Variants in ASAP1 observed in about 807,000 individuals in gnomAD.
ASAP1 encodes arf-GAP with SH3 domain, ANK repeat and PH domain-containing protein 1.
In ASAP1, 43 loss-of-function variants were observed where a neutral mutation model predicts 145.2. The observed-to-expected ratio is 0.30, with a 90% CI of 0.23 to 0.38. The LOEUF is 0.38. Among genes scored for constraint, ASAP1 ranks in the 10% least tolerant of loss-of-function variants. ASAP1 has a pLI of 1.00. For missense variants in ASAP1, 1,018 were observed against 1,355.3 expected, an observed-to-expected ratio of 0.75 and a Z score of 3.91; for synonymous variants, 546 against 515.5, an observed-to-expected ratio of 1.06 and a Z score of -0.80.
intron 7 of ASAP1, among the ~76,000 whole-genome samples, chr8:130,183,547 G>A (rs1814513818): frequency 6.6e-6 from 1 of 151,952 alleles, no homozygotes; most frequent in Admixed American, 6.6e-5. Context: ...TTGCCACGTT[G>A]GTCAGGCTGG....
chr8:130,306,624 C>A (rs1413697763), intron 3 of ASAP1, among the ~76,000 whole-genome samples: 1 of 152,054 alleles, frequency 6.6e-6, no homozygotes, highest in Non-Finnish European at 1.5e-5. Flanking sequence ...AGGGCACAAG[C>A]GGAACAAACT....
At chr8:130,154,735 T>C (rs1013018128) in intron 12 of ASAP1, among the ~76,000 whole-genome samples, 2 of 152,240 alleles carry the variant, frequency 1.3e-5, no homozygotes, top group African/African-American at 4.8e-5. Context: ...TTCTAAAGCA[T>C]GCTTCACAGA....
At position 130,236,907 on chromosome 8, in the gene ASAP1, T is replaced by G. The variant is rs1565121553; in HGVS notation, c.259+15A>C. 1 of 1,518,718 alleles carries G rather than the reference T, an allele frequency of 6.6e-7. No individual in the cohort carries two copies. Among genetic ancestry groups the G allele is most frequent in the Non-Finnish European group, 9.0e-7 (1 of 1,114,696 alleles). 94.1% of individuals were successfully genotyped at this position (1,518,718 alleles called of 1,614,324 possible). ...ATTTATAATTCATGTTACCTCATTT[T>G]TAGTAAGTGCTTACCTTGACCAGAA... is the stretch of plus-strand genomic sequence containing the variant. On this transcript the variant is annotated intron_variant, in intron 4 of 29. Transcript: ENST00000518721.
intron 27 of ASAP1, among the ~76,000 whole-genome samples, chr8:130,072,825 G>GTGCGTGTGCGCGCGCGCGCACA: frequency 1.8e-5 from 1 of 54,098 alleles, no homozygotes; most frequent in African/African-American, 9.1e-5. Flanking sequence ...GTGTGTGTGT[G>GTGCGTGTGCGCGCGCGCGCACA]CGCGCGGGGG....
At chr8:130,180,006 A>G (rs886325939) in intron 8 of ASAP1, among the ~76,000 whole-genome samples, 3 of 145,668 alleles carry the variant, frequency 2.1e-5, no homozygotes, top group African/African-American at 5.1e-5. Flanking sequence ...AGAGGTGAGA[A>G]AGAGAGAGAG....
rs10568607 is a variant in ASAP1, at chr8:130,108,757, G to GTTTTTTTTT, written c.2401+3328_2401+3336dup. On this transcript the variant is annotated intron_variant, in intron 24 of 29. Transcript: ENST00000518721. ...TAATCTTGGCAAGCCTCAAAAACCA[G>GTTTTTTTTT]TTTTTTTTTTTTTTTTTTTTTTTTT... 4.7e-4 allele frequency among the ~76,000 whole-genome samples: 24 copies of GTTTTTTTTT among 51,562 alleles called. 1 individual carries two copies. Among genetic ancestry groups the GTTTTTTTTT allele is most frequent in the East Asian group, 8.5e-4 (1 of 1,170 alleles). 33.8% of individuals were successfully genotyped at this position (51,562 alleles called of 152,430 possible).
At chr8:130,405,092 A>C (rs1828965321) in intron 1 of ASAP1, among the ~76,000 whole-genome samples, 1 of 152,084 alleles carries the variant, frequency 6.6e-6, no homozygotes, top group Non-Finnish European at 1.5e-5. Flanking sequence ...TGCTACTCAG[A>C]AAAAACTGCC....
intron 2 of ASAP1, chr8:130,361,774 G>T (rs766370644): frequency 6.5e-7 from 1 of 1,529,362 alleles, no homozygotes; most frequent in South Asian, 1.2e-5. Flanking sequence ...CTGGATATCT[G>T]AAAGCAAATA....
At chr8:130,122,551 A>C (rs55848037) in intron 18 of ASAP1, among the ~76,000 whole-genome samples, 3,230 of 152,336 alleles carry the variant, frequency 0.021, 35 homozygotes, top group Middle Eastern at 0.041. Flanking sequence ...CTTTTTATTC[A>C]AGCCCCTTAA....
intron 3 of ASAP1, among the ~76,000 whole-genome samples, chr8:130,297,554 T>G (rs1822362061): frequency 6.6e-6 from 1 of 152,202 alleles, no homozygotes; most frequent in Admixed American, 6.5e-5. Context: ...CAGCCCAGGC[T>G]TCCACCTGCT....
chr8:130,141,191 G>A (rs1009631614), intron 13 of ASAP1, among the ~76,000 whole-genome samples: 1 of 152,122 alleles, frequency 6.6e-6, no homozygotes, highest in Non-Finnish European at 1.5e-5. Context: ...AGAAACTCTG[G>A]AAACGTCTAT....
intron 5 of ASAP1, among the ~76,000 whole-genome samples, chr8:130,202,088 G>T (rs1296563958): frequency 2.0e-5 from 3 of 152,064 alleles, no homozygotes; most frequent in African/African-American, 7.2e-5. Context: ...GGAAAGCCCT[G>T]CCCTGTCTGC....
intron 3 of ASAP1, among the ~76,000 whole-genome samples, chr8:130,351,641 G>A (rs1003495256): frequency 3.0e-4 from 46 of 152,030 alleles, no homozygotes; most frequent in Admixed American, 1.4e-3. Flanking sequence ...AAGCAGGGGC[G>A]AGAGAGAGAG....
intron 3 of ASAP1, among the ~76,000 whole-genome samples, chr8:130,273,284 C>T (rs562513650): frequency 6.6e-6 from 1 of 152,172 alleles, no homozygotes; most frequent in South Asian, 2.1e-4. Context: ...AGCCCATATG[C>T]TAAATCTCTT....
intron 3 of ASAP1, among the ~76,000 whole-genome samples, chr8:130,240,653 G>A (rs1220207810): frequency 6.6e-6 from 1 of 152,156 alleles, no homozygotes; most frequent in African/African-American, 2.4e-5. Flanking sequence ...CAACTCAAAA[G>A]AGTGGGGTGA....
chr8:130,312,084 T>C (rs997703962), intron 3 of ASAP1, among the ~76,000 whole-genome samples: 1 of 151,920 alleles, frequency 6.6e-6, no homozygotes, highest in African/African-American at 2.4e-5. Context: ...AAAACCAGCC[T>C]GGATAACATA....
chr8:130,285,142 G>C (rs1202500647), intron 3 of ASAP1, among the ~76,000 whole-genome samples: 2 of 152,014 alleles, frequency 1.3e-5, no homozygotes, highest in Non-Finnish European at 2.9e-5. Flanking sequence ...TAAGAGAAAA[G>C]GAAGACTTGG....
intron 25 of ASAP1, among the ~76,000 whole-genome samples, chr8:130,081,931 C>T (rs2097481469): frequency 6.6e-6 from 1 of 152,020 alleles, no homozygotes; most frequent in African/African-American, 2.4e-5. Context: ...GTATAATCAC[C>T]CCTCATTTTA....
chr8:130,202,402 C>A (rs1431259203), intron 5 of ASAP1, among the ~76,000 whole-genome samples: 2 of 152,122 alleles, frequency 1.3e-5, no homozygotes, highest in Non-Finnish European at 2.9e-5. Flanking sequence ...TATGTATAAG[C>A]AATCTCTCAC....
Sources: allele counts gnomAD v4.1 joint callset (sites outside exome capture counted in the v4.1 genomes callset), GRCh38; gene constraint gnomAD v4.1.1; transcripts MANE v1.5; gene names NCBI Gene and HGNC (gene_info 2026-07-23, HGNC 2026-07-21).